Variants in RBFOX1 observed in about 807,000 individuals in gnomAD.
RBFOX1 encodes RNA binding fox-1 homolog 1, also known as RNA binding protein fox-1 homolog 1.
Under a neutral mutation model 57.7 loss-of-function variants are expected in RBFOX1, and 8 were observed. That is an observed-to-expected ratio of 0.14 (90% CI 0.08 to 0.25). The LOEUF (loss-of-function observed/expected upper bound fraction) is 0.25. Ranked by LOEUF, RBFOX1 falls within the 10% of genes least tolerant of loss-of-function variation. The pLI is 1.00. For missense variants in RBFOX1, 611 were observed against 548.5 expected, an observed-to-expected ratio of 1.11 and a Z score of -1.14; for synonymous variants, 326 against 222.4, an observed-to-expected ratio of 1.47 and a Z score of -4.15.
intron 1 of RBFOX1, among the ~76,000 whole-genome samples, chr16:5,260,012 A>G (rs1567246682): frequency 6.6e-6 from 1 of 152,170 alleles, no homozygotes; most frequent in Non-Finnish European, 1.5e-5. Flanking sequence ...ACCAGCCTGG[A>G]CGACATGATG....
intron 10 of RBFOX1, among the ~76,000 whole-genome samples, chr16:7,617,707 C>T (rs1596576652): frequency 6.6e-6 from 1 of 152,280 alleles, no homozygotes; most frequent in East Asian, 1.9e-4. Context: ...AGACACTGTG[C>T]TAGGTGCCGA....
chr16:7,469,298 A>G (rs2061115677), intron 4 of RBFOX1, among the ~76,000 whole-genome samples: 1 of 151,912 alleles, frequency 6.6e-6, no homozygotes, highest in African/African-American at 2.4e-5. Context: ...CCCTGACCTC[A>G]TGATCTGCCC....
intron 3 of RBFOX1, among the ~76,000 whole-genome samples, chr16:6,839,868 CT>C (rs2093361562): frequency 6.6e-6 from 1 of 152,176 alleles, no homozygotes; most frequent in Non-Finnish European, 1.5e-5. Context: ...TTTGGGGTAT[CT>C]TTTCCCCTCC....
At chr16:6,826,911 C>T (rs890389130) in intron 3 of RBFOX1, among the ~76,000 whole-genome samples, 1 of 152,120 alleles carries the variant, frequency 6.6e-6, no homozygotes, top group Non-Finnish European at 1.5e-5. Context: ...AAATCTGAAT[C>T]TCTGATGTTC....
At chr16:6,109,664 A>C (rs1391091718) in intron 1 of RBFOX1, among the ~76,000 whole-genome samples, 1 of 152,190 alleles carries the variant, frequency 6.6e-6, no homozygotes, top group Non-Finnish European at 1.5e-5. Flanking sequence ...ATGCTTTAGA[A>C]ATAATAAATG....
chr16:7,279,722 G>A (rs1056084507), intron 4 of RBFOX1, among the ~76,000 whole-genome samples: 1 of 152,172 alleles, frequency 6.6e-6, no homozygotes, highest in Non-Finnish European at 1.5e-5. Flanking sequence ...ACGTAAGCTC[G>A]CCCTGGTGTT....
At chr16:6,926,296 G>C (rs944434056) in intron 3 of RBFOX1, among the ~76,000 whole-genome samples, 1 of 152,120 alleles carries the variant, frequency 6.6e-6, no homozygotes, top group Non-Finnish European at 1.5e-5. Context: ...AACAGAGCAA[G>C]ACTCCATCTC....
At chr16:5,349,593 A>C (rs1471636259) in intron 1 of RBFOX1, among the ~76,000 whole-genome samples, 2 of 105,342 alleles carry the variant, frequency 1.9e-5, no homozygotes, top group African/African-American at 7.7e-5. Flanking sequence ...GAATCGCTTG[A>C]AACAGGGAGG....
chr16:6,891,406 C>T (rs1004531064), intron 3 of RBFOX1, among the ~76,000 whole-genome samples: 1 of 152,066 alleles, frequency 6.6e-6, no homozygotes, highest in Non-Finnish European at 1.5e-5. Context: ...AACCCAGAAA[C>T]CCGTTTGCCT....
intron 1 of RBFOX1, among the ~76,000 whole-genome samples, chr16:6,127,490 C>T (rs2096598453): frequency 6.6e-6 from 1 of 152,036 alleles, no homozygotes; most frequent in Admixed American, 6.6e-5. Flanking sequence ...TGTCTGTGGG[C>T]CTTAGAAACA....
chr16:7,427,846 G>A (rs997849941), intron 4 of RBFOX1, among the ~76,000 whole-genome samples: 5 of 152,002 alleles, frequency 3.3e-5, no homozygotes, highest in Admixed American at 1.3e-4. Context: ...TAGAGATGGG[G>A]TTTGAACATG....
At chr16:5,478,237 A>T (rs2069400540) in intron 2 of RBFOX1, among the ~76,000 whole-genome samples, 1 of 152,096 alleles carries the variant, frequency 6.6e-6, no homozygotes, top group South Asian at 2.1e-4. Context: ...AGGGAGTTTG[A>T]TTTCTAAAAG....
chr16:7,318,595 A>G (rs1454495595), intron 4 of RBFOX1, among the ~76,000 whole-genome samples: 1 of 152,214 alleles, frequency 6.6e-6, no homozygotes, highest in Admixed American at 6.5e-5. Flanking sequence ...ATGTTTGTTA[A>G]AATCAGAATA....
chr16:5,520,077 G>A (rs1449943542), intron 2 of RBFOX1, among the ~76,000 whole-genome samples: 1 of 152,236 alleles, frequency 6.6e-6, no homozygotes, highest in Non-Finnish European at 1.5e-5. Context: ...TACAGGATGT[G>A]ATGGAATCAT....
At chr16:7,383,246 C>G (rs112123072) in intron 4 of RBFOX1, among the ~76,000 whole-genome samples, 2 of 151,066 alleles carry the variant, frequency 1.3e-5, no homozygotes, top group Non-Finnish European at 2.9e-5. Flanking sequence ...ACATACACAC[C>G]TACTACGTAC....
rs146978869 is a variant in RBFOX1, at chr16:6,957,033, A to G, written c.-15-95024A>G. Among the ~76,000 whole-genome samples the G allele has an allele frequency of 1.6e-3, 245 of 151,630 alleles. 2 individuals are homozygous for G. The highest frequency in any genetic ancestry group is 3.4e-3 in the Admixed American group (52 of 15,278). On this transcript the variant is annotated intron_variant, in intron 3 of 15. Transcript: ENST00000550418. Reference sequence around the variant, plus strand: ...TAAGAAAGGAAAGAAATAAAAGAATAGGCATATTCCATCGGCAGAGCAGCC... The same window carrying G: ...TAAGAAAGGAAAGAAATAAAAGAATGGGCATATTCCATCGGCAGAGCAGCC...
chr16:5,736,669 C>T (rs1336299310), intron 3 of RBFOX1, among the ~76,000 whole-genome samples: 1 of 152,084 alleles, frequency 6.6e-6, no homozygotes, highest in South Asian at 2.1e-4. Context: ...TTTTCCTGTG[C>T]TGGTGTCTCT....
In RBFOX1 at chr16:7,292,803, C is replaced by T. The variant is rs116722108; in HGVS notation, c.28-225344C>T. On this transcript the variant is annotated intron_variant, in intron 4 of 15. Coordinates refer to ENST00000550418, the MANE Select transcript of RBFOX1 (RefSeq NM_018723.4). ...GGTGAAGGAAATGCTATGTTTTCAT[C>T]AGTAAGCACAATAGGTCTTGTAATG... Among the ~76,000 whole-genome samples, 616 of 152,158 alleles carry T rather than the reference C, an allele frequency of 4.0e-3. 1 individual carries two copies. Among genetic ancestry groups the T allele is most frequent in the African/African-American group, 0.014 (573 of 41,516 alleles).
chr16:5,242,943 C>G (rs1305491451), intron 1 of RBFOX1, among the ~76,000 whole-genome samples: 1 of 137,330 alleles, frequency 7.3e-6, no homozygotes, highest in Non-Finnish European at 1.6e-5. Context: ...CCCCTGAGTG[C>G]CAAGTCCTGC....
Sources: gnomAD v4.1 joint callset for allele counts (sites outside exome capture counted in the v4.1 genomes callset) on GRCh38, gnomAD v4.1.1 for gene constraint, MANE v1.5 for transcripts, NCBI Gene and HGNC (gene_info 2026-07-23, HGNC 2026-07-21) for gene names.